EHBP1: variants seen among roughly 807,000 people sequenced by gnomAD.
EHBP1 encodes EH domain binding protein 1, also known as EH domain-binding protein 1.
A neutral mutation model predicts 144.0 loss-of-function variants in EHBP1; 55 were observed. The ratio of observed to expected loss-of-function variants is 0.38; its 90% CI spans 0.31 to 0.48. EHBP1 has a LOEUF of 0.48. EHBP1 is among the 20% of genes least tolerant of loss of function. EHBP1 has a pLI of 0.98. For missense variants in EHBP1, 1,200 were observed against 1,364.2 expected, an observed-to-expected ratio of 0.88 and a Z score of 1.90; for synonymous variants, 469 against 472.7, an observed-to-expected ratio of 0.99 and a Z score of 0.10.
In EHBP1 at chr2:62,937,128, T is replaced by C. The variant is rs148301942; in HGVS notation, c.1186-5590T>C. On this transcript the variant is annotated intron_variant, in intron 10 of 22. Coordinates refer to ENST00000431489, the MANE Select transcript of EHBP1 (RefSeq NM_001142616.3). ...TTTTTGAATCAACTAATTAAACATA[T>C]AGAGGGCAGCGATCTAACCTCTGAA... Among the ~76,000 whole-genome samples, 16 of 152,332 alleles carry C rather than the reference T, an allele frequency of 1.1e-4. No homozygotes were observed. In the East Asian group the frequency reaches 3.1e-3, roughly 29 times the overall value.
intron 10 of EHBP1, among the ~76,000 whole-genome samples, chr2:62,916,150 G>A (rs1353413694): frequency 6.6e-6 from 1 of 151,900 alleles, no homozygotes; most frequent in Non-Finnish European, 1.5e-5. Flanking sequence ...GTGAGATCTT[G>A]TCTCTAAAAT....
At chr2:62,921,683 G>A (rs2055098497) in intron 10 of EHBP1, among the ~76,000 whole-genome samples, 2 of 152,092 alleles carry the variant, frequency 1.3e-5, no homozygotes, top group Admixed American at 6.5e-5. Flanking sequence ...TAGACCACTC[G>A]ACAATGTAGG....
chr2:62,929,102 C>CA (rs1317777966), intron 10 of EHBP1, among the ~76,000 whole-genome samples: 1 of 152,014 alleles, frequency 6.6e-6, no homozygotes, highest in African/African-American at 2.4e-5. Flanking sequence ...AAAAATCTCC[C>CA]AAAAAAGAAA....
intron 7 of EHBP1, 97 bp downstream of exon 7, chr2:62,831,255 G>A: frequency 4.0e-6 from 5 of 1,245,666 alleles, no homozygotes; most frequent in East Asian, 2.8e-5. Context: ...TACTTATTGG[G>A]TTTCTTTTTT....
intron 14 of EHBP1, among the ~76,000 whole-genome samples, chr2:62,969,298 A>G (rs149994636): frequency 4.9e-4 from 75 of 152,318 alleles, no homozygotes; most frequent in African/African-American, 1.7e-3. Flanking sequence ...CAGAATGCTT[A>G]AAGGAAAGCC....
At chr2:63,033,219 T>C (rs1423368152) in intron 19 of EHBP1, among the ~76,000 whole-genome samples, 1 of 152,250 alleles carries the variant, frequency 6.6e-6, no homozygotes, top group Non-Finnish European at 1.5e-5. Context: ...ATGTATCATA[T>C]GTCTTTTTGT....
intron 10 of EHBP1, among the ~76,000 whole-genome samples, chr2:62,883,791 C>T (rs957868005): frequency 6.6e-6 from 1 of 152,136 alleles, no homozygotes; most frequent in African/African-American, 2.4e-5. Flanking sequence ...TAGTGAGACC[C>T]TGTCTCTACA....
At chr2:62,939,208 G>A (rs1574144771) in intron 10 of EHBP1, among the ~76,000 whole-genome samples, 1 of 152,180 alleles carries the variant, frequency 6.6e-6, no homozygotes, top group Non-Finnish European at 1.5e-5. Flanking sequence ...CGTGGAAAAA[G>A]TAGAGCAGGG....
chr2:62,908,944 A>T (rs1321864358), intron 10 of EHBP1, among the ~76,000 whole-genome samples: 12 of 152,160 alleles, frequency 7.9e-5, no homozygotes, highest in Admixed American at 7.9e-4. Flanking sequence ...GGCACTTAGT[A>T]ATGTCTTAAT....
chr2:62,921,023 G>A (rs1318887545), intron 10 of EHBP1, among the ~76,000 whole-genome samples: 1 of 152,168 alleles, frequency 6.6e-6, no homozygotes, highest in Non-Finnish European at 1.5e-5. Context: ...TAAACAGTGT[G>A]TAAAGATGTA....
intron 2 of EHBP1, among the ~76,000 whole-genome samples, chr2:62,742,951 T>C (rs924941945): frequency 3.9e-5 from 6 of 152,070 alleles, no homozygotes; most frequent in African/African-American, 1.4e-4. Context: ...ACTCCCCACA[T>C]TTAAATACCT....
In EHBP1 at chr2:62,746,129, A is replaced by G. The variant is rs530901802; in HGVS notation, c.105-1266A>G. 1.6e-4 allele frequency among the ~76,000 whole-genome samples: 25 copies of G among 152,180 alleles called. No homozygotes were observed. In the East Asian group the frequency reaches 4.6e-3, roughly 28 times the overall value. ...ATGAGGTAGCTTACATTTGTTGGCT[A>G]CTGTTCTCCTCTTGTTAACTTGCCA... On this transcript the variant is annotated intron_variant, in intron 2 of 22. Transcript: ENST00000431489.
chr2:62,835,558 T>A (rs1266758946), intron 7 of EHBP1, among the ~76,000 whole-genome samples: 1 of 152,082 alleles, frequency 6.6e-6, no homozygotes, highest in Non-Finnish European at 1.5e-5. Context: ...GACGGGTGAT[T>A]TCTGCATTTC....
chr2:62,843,722 A>G (rs1041136819), intron 7 of EHBP1, among the ~76,000 whole-genome samples: 1 of 152,120 alleles, frequency 6.6e-6, no homozygotes, highest in Non-Finnish European at 1.5e-5. Context: ...GACCACTTTA[A>G]AAGTGTTTGA....
At chr2:63,010,244 A>G (rs1385460580) in intron 19 of EHBP1, among the ~76,000 whole-genome samples, 1 of 151,458 alleles carries the variant, frequency 6.6e-6, no homozygotes. Context: ...TTTACTGATA[A>G]AAACACTGAA....
intron 9 of EHBP1, among the ~76,000 whole-genome samples, chr2:62,866,168 C>A (rs2050018429): frequency 6.6e-6 from 1 of 152,202 alleles, no homozygotes; most frequent in Non-Finnish European, 1.5e-5. Flanking sequence ...AGTTGTGGGG[C>A]CAAATTGGCC....
chr2:62,891,006 C>T (rs983642023), intron 10 of EHBP1, among the ~76,000 whole-genome samples: 9 of 151,886 alleles, frequency 5.9e-5, no homozygotes, highest in East Asian at 1.9e-4. Context: ...GGTGAAACCC[C>T]GTCTTTACTA....
intron 2 of EHBP1, among the ~76,000 whole-genome samples, chr2:62,718,979 A>AT (rs1397556532): frequency 0.011 from 1,538 of 138,266 alleles, 18 homozygotes; most frequent in African/African-American, 0.029. Flanking sequence ...TTGAGGTAGA[A>AT]TTTTTTTTTT....
chr2:62,912,098 G>A (rs1344060279), intron 10 of EHBP1, among the ~76,000 whole-genome samples: 1 of 152,044 alleles, frequency 6.6e-6, no homozygotes, highest in African/African-American at 2.4e-5. Context: ...GATTATGTAT[G>A]TTAAAGGAGT....
Sources: gnomAD v4.1 joint callset for allele counts (sites outside exome capture counted in the v4.1 genomes callset) on GRCh38, gnomAD v4.1.1 for gene constraint, MANE v1.5 for transcripts, NCBI Gene and HGNC (gene_info 2026-07-23, HGNC 2026-07-21) for gene names.